The following ASRGL1 variants were observed in gnomAD, a reference collection of about 807,000 sequenced individuals.
ASRGL1 encodes the protein asparaginase and isoaspartyl peptidase 1, also known as isoaspartyl peptidase/L-asparaginase.
Under a neutral mutation model 22.4 loss-of-function variants are expected in ASRGL1, and 16 were observed. The observed-to-expected ratio is 0.71, with a 90% CI of 0.48 to 1.08. The LOEUF is 1.08. Ranked by LOEUF, ASRGL1 falls within the 50% of genes least tolerant of loss-of-function variation. The pLI is 0.00. For synonymous variants in ASRGL1, 165 were observed against 159.3 expected (o/e 1.04, Z -0.27); for missense variants, 412 against 410.1 (o/e 1.00, Z -0.04).
chr11:62,398,694 C>T, the ASRGL1 span, among the ~76,000 whole-genome samples: 1 of 152,226 alleles, frequency 6.6e-6, no homozygotes, highest in African/African-American at 2.4e-5. Context: ...CGGCTCATTG[C>T]AGGCCGGCAT....
chr11:62,395,672 C>T (rs1461350860), downstream of ASRGL1, among the ~76,000 whole-genome samples: 1 of 151,362 alleles, frequency 6.6e-6, no homozygotes, highest in African/African-American at 2.4e-5. Flanking sequence ...CTCGTTCTTC[C>T]CGCCCCCCAC....
intron 4 of ASRGL1, among the ~76,000 whole-genome samples, chr11:62,377,782 G>A (rs1946966180): frequency 6.6e-6 from 1 of 152,052 alleles, no homozygotes; most frequent in Non-Finnish European, 1.5e-5. Flanking sequence ...TCGTAATTTT[G>A]CCTGACCAAT....
intron 4 of ASRGL1, among the ~76,000 whole-genome samples, chr11:62,365,729 A>G (rs1444802789): frequency 6.6e-6 from 1 of 152,142 alleles, no homozygotes; most frequent in Non-Finnish European, 1.5e-5. Flanking sequence ...ACGCACCTGT[A>G]ATCTCAGCTA....
intron 6 of ASRGL1, 30 bp from the exon 7 acceptor site, chr11:62,392,049 T>A (rs1947351988): frequency 1.9e-6 from 3 of 1,605,328 alleles, no homozygotes; most frequent in African/African-American, 1.3e-5. Flanking sequence ...CAGTAATGTG[T>A]GTTGTTTCTC....
At chr11:62,373,100 G>A in intron 4 of ASRGL1, 2 of 1,467,356 alleles carry the variant, frequency 1.4e-6, no homozygotes, top group Non-Finnish European at 1.9e-6. Flanking sequence ...ACTCCTTGGT[G>A]ATAGCAAGAG....
chr11:62,372,063 G>C lies in ASRGL1; in HGVS notation c.491+14919G>C, dbSNP rs556221646. 2.8e-5 allele frequency: 21 copies of C among 756,890 alleles called. No individual in the cohort carries two copies. In the African/African-American group the frequency reaches 3.4e-4, roughly 12 times the overall value. 46.9% of individuals were successfully genotyped at this position (756,890 alleles called of 1,614,324 possible). A position where few individuals can be genotyped will look rare whatever the true frequency, so the allele number is the denominator to read the frequency against. On this transcript the variant is annotated intron_variant, in intron 4 of 6. Transcript: ENST00000415229. ...GGGTGCCTGGCGGGGGTCCGGGTGC[G>C]GACAGTGGTCTCTGGCTCCTGTGCT...
In ASRGL1 at chr11:62,377,070, A is replaced by G. The variant is rs184314687; in HGVS notation, c.492-12063A>G. The stretch of plus-strand genomic sequence containing the variant: ...GGTGTAGGACTTGACACTGGGTGCA[A>G]TGTTGTACAATATTTTTTGCCTGTT... On this transcript the variant is annotated intron_variant, in intron 4 of 6. Transcript: ENST00000415229. Among the ~76,000 whole-genome samples, 4 of 152,274 alleles carry G rather than the reference A, an allele frequency of 2.6e-5. No individual in the cohort carries two copies. In the East Asian group the frequency reaches 7.7e-4, roughly 29 times the overall value.
intron 2 of ASRGL1, among the ~76,000 whole-genome samples, chr11:62,351,020 A>G (rs1254638310): frequency 6.6e-6 from 1 of 152,072 alleles, no homozygotes; most frequent in Non-Finnish European, 1.5e-5. Context: ...TTTTGAGTGT[A>G]TCTCTTTATA....
At chr11:62,375,461 T>TATAC (rs1946897972) in intron 4 of ASRGL1, among the ~76,000 whole-genome samples, 1 of 96,790 alleles carries the variant, frequency 1.0e-5, no homozygotes, top group African/African-American at 4.3e-5. Flanking sequence ...TATATATATA[T>TATAC]ATATATATAT....
chr11:62,378,487 G>C (rs1000017071), intron 4 of ASRGL1, among the ~76,000 whole-genome samples: 1 of 152,096 alleles, frequency 6.6e-6, no homozygotes, highest in African/African-American at 2.4e-5. Context: ...ATTATTTATG[G>C]CTGGTATAGT....
At chr11:62,366,709 C>T (rs1255459692) in intron 4 of ASRGL1, among the ~76,000 whole-genome samples, 24 of 151,902 alleles carry the variant, frequency 1.6e-4, no homozygotes, top group Admixed American at 1.6e-3. Context: ...TGGGATTTCT[C>T]TATGTTGCTC....
At position 62,392,568 on chromosome 11, in the gene ASRGL1, C is replaced by CAAA. The variant is rs5792257; in HGVS notation, c.*299_*301dup. 810 of 288,276 alleles carry CAAA rather than the reference C, an allele frequency of 2.8e-3. 2 individuals carry two copies. The highest frequency in any genetic ancestry group is 3.8e-3 in the Non-Finnish European group (582 of 154,834). The allele number at this position is 288,276 out of a possible 1,614,324, so 17.9% of individuals were successfully genotyped here. ...TGGGCAACAGAGCCAGGCCCTGTAT[C>CAAA]AAAAAAAAAAAAAAAAAGAAAAGGG... On this transcript the variant is annotated 3_prime_UTR_variant, in exon 7 of 7. Coordinates refer to ENST00000415229, the MANE Select transcript of ASRGL1 (RefSeq NM_001083926.2).
chr11:62,391,548 A>G lies in ASRGL1; in HGVS notation c.637A>G (p.Ile213Val), dbSNP rs1333456062. Residue 213 changes from isoleucine (I) to valine (V), a missense_variant, in exon 6 of 7, where the codon ATC becomes GTC. Coordinates refer to ENST00000415229, the MANE Select transcript of ASRGL1 (RefSeq NM_001083926.2). ...AGCTGGAGGTTATGCCGACAATGAC[A>G]TCGGAGCCGTCTCAACCACAGGGCA... is the stretch of plus-strand genomic sequence containing the variant. ...LGAGGYADND[I>V]GAVSTTGHGE... The G allele has an allele frequency of 6.2e-7, 1 of 1,612,310 alleles. No individual in the cohort carries two copies. Among genetic ancestry groups the G allele is most frequent in the Non-Finnish European group, 8.5e-7 (1 of 1,179,292 alleles).
At chr11:62,387,164 A>G (rs774169854) in intron 4 of ASRGL1, among the ~76,000 whole-genome samples, 3 of 151,716 alleles carry the variant, frequency 2.0e-5, no homozygotes, top group East Asian at 3.9e-4. Flanking sequence ...CGGCCTCCCA[A>G]AGTGCTGGAA....
downstream of ASRGL1, among the ~76,000 whole-genome samples, chr11:62,396,626 G>A (rs1947435599): frequency 6.6e-6 from 1 of 152,180 alleles, no homozygotes; most frequent in Non-Finnish European, 1.5e-5. Context: ...CAGGCGAAAA[G>A]CAAGAAAGAC....
chr11:62,377,594 AAGT>A (rs1380681411), intron 4 of ASRGL1, among the ~76,000 whole-genome samples: 1 of 152,294 alleles, frequency 6.6e-6, no homozygotes, highest in East Asian at 1.9e-4. Context: ...GGTAAAATCC[AAGT>A]AGTCAATTTT....
intron 2 of ASRGL1, among the ~76,000 whole-genome samples, chr11:62,341,018 C>T (rs187898723): frequency 8.5e-5 from 13 of 152,242 alleles, no homozygotes; most frequent in African/African-American, 3.1e-4. Flanking sequence ...TAGATACCAA[C>T]ACTGTAAAGA....
chr11:62,362,813 T>TACACACACACACACAC (rs57501048), intron 4 of ASRGL1, among the ~76,000 whole-genome samples: 4,984 of 83,772 alleles, frequency 0.059, 321 homozygotes, highest in East Asian at 0.11. Flanking sequence ...TTATCTGACA[T>TACACACACACACACAC]ACACACACAC....
At chr11:62,372,656 A>G in intron 4 of ASRGL1, 1 of 988,398 alleles carries the variant, frequency 1.0e-6, no homozygotes, top group Non-Finnish European at 1.6e-6. Flanking sequence ...CCCAGAAGTG[A>G]GTCTTCTCCT....
Sources: allele counts gnomAD v4.1 joint callset (sites outside exome capture counted in the v4.1 genomes callset), GRCh38; gene constraint gnomAD v4.1.1; transcripts MANE v1.5; gene names NCBI Gene and HGNC (gene_info 2026-07-23, HGNC 2026-07-21).